Variants in LPO observed in about 807,000 individuals in gnomAD.
LPO encodes the protein salivary peroxidase.
In LPO, 70 loss-of-function variants were observed where a neutral mutation model predicts 68.4. The ratio of observed to expected loss-of-function variants is 1.02; its 90% CI spans 0.84 to 1.25. The LOEUF is 1.25. Among genes scored for constraint, LPO ranks in the 50% most tolerant of loss-of-function variants. LPO has a pLI of 0.00. For synonymous variants in LPO, 360 were observed against 357.6 expected (o/e 1.01, Z -0.08); for missense variants, 873 against 908.4 (o/e 0.96, Z 0.50).
rs1372488847 is a variant in LPO at position 58,254,988 on chromosome 17, G to A, written c.1266+17G>A. ...TTCGTGCAGGTAGGGAGTCCCAGGA[G>A]CACTGTCACCTGGTCCCACCTGGCT... On this transcript the variant is annotated intron_variant, in intron 9 of 12. Transcript: ENST00000262290. 14 of 1,612,000 alleles carry A rather than the reference G, an allele frequency of 8.7e-6. No individual in the cohort carries two copies. Among genetic ancestry groups the A allele is most frequent in the African/African-American group, 1.3e-5 (1 of 74,882 alleles).
At position 58,254,152 on chromosome 17, in the gene LPO, T is replaced by TATAGATATATATATAGATAGATAG. The variant is rs1555605278; in HGVS notation, c.1106-652_1106-651insTATATATAGATAGATAGATAGATA. On this transcript the variant is annotated intron_variant, in intron 8 of 12. Coordinates refer to ENST00000262290, the MANE Select transcript of LPO (RefSeq NM_006151.3). ...TGATAGATATATAGATATATAGATA[T>TATAGATATATATATAGATAGATAG]ATAGATAGATAGATAGATAGATAGA... Among the ~76,000 whole-genome samples, 432 of 133,378 alleles carry TATAGATATATATATAGATAGATAG rather than the reference T, an allele frequency of 3.2e-3. 4 individuals carry two copies. Among genetic ancestry groups the TATAGATATATATATAGATAGATAG allele is most frequent in the African/African-American group, 0.012 (414 of 33,740 alleles). 87.5% of individuals were successfully genotyped at this position (133,378 alleles called of 152,430 possible). A position where few individuals can be genotyped will look rare whatever the true frequency, so the allele number is the denominator to read the frequency against.
At position 58,249,070 on chromosome 17, in the gene LPO, G is replaced by T. The variant is rs552304548; in HGVS notation, c.336G>T (p.Leu112=). The change falls in exon 5 of 13, where the codon CTG becomes CTT. Residue 112 remains leucine (L), a synonymous_variant. Transcript: ENST00000262290. ...ASLTNVTDPS[L]DLTSLSLEVG... ...TCCCTTCTGTTTCAGATCCCAGCCT[G>T]GACTTGACTTCACTGTCTCTGGAGG... 1.2e-6 allele frequency: 2 copies of T among 1,614,040 alleles called. No individual in the cohort carries two copies. Among genetic ancestry groups the T allele is most frequent in the African/African-American group, 2.7e-5 (2 of 75,054 alleles).
intron 9 of LPO, among the ~76,000 whole-genome samples, chr17:58,262,507 A>G (rs1257651836): frequency 1.3e-5 from 2 of 152,224 alleles, no homozygotes; most frequent in African/African-American, 4.8e-5. Context: ...CTCTTGCCTC[A>G]GCCTCCCGAG....
chr17:58,263,364 G>A (rs1419027214), intron 9 of LPO, among the ~76,000 whole-genome samples: 1 of 152,114 alleles, frequency 6.6e-6, no homozygotes, highest in African/African-American at 2.4e-5. Context: ...GGCATTTCTG[G>A]CTCTTGGTAT....
At chr17:58,241,125 C>CTTTT (rs1161572564) in intron 1 of LPO, among the ~76,000 whole-genome samples, 26 of 91,276 alleles carry the variant, frequency 2.8e-4, no homozygotes, top group African/African-American at 6.1e-4. Flanking sequence ...TTTCTTTTTT[C>CTTTT]TTTTTTTTTT....
In LPO at chr17:58,250,473, A is replaced by C. The variant is rs750132851; in HGVS notation, c.632A>C (p.Gln211Pro). ...GYLNEEGVLD[Q>P]NRSLLFMQWG... Reference sequence around the variant, plus strand: ...CTGAATGAGGAGGGTGTTCTGGACCAAAACAGGTCCCTGCTCTTCATGCAG... The same window carrying C: ...CTGAATGAGGAGGGTGTTCTGGACCCAAACAGGTCCCTGCTCTTCATGCAG... Residue 211 changes from glutamine to proline, a missense_variant, in exon 7 of 13, where the codon CAA (glutamine) becomes CCA (proline). Coordinates refer to ENST00000262290, the MANE Select transcript of LPO (RefSeq NM_006151.3). The C allele has an allele frequency of 6.2e-7, 1 of 1,614,202 alleles. No individual in the cohort carries two copies. The highest frequency in any genetic ancestry group is 8.5e-7 in the Non-Finnish European group (1 of 1,180,032).
At chr17:58,254,176 G>GAT (rs1555605309) in intron 8 of LPO, among the ~76,000 whole-genome samples, 1 of 151,334 alleles carries the variant, frequency 6.6e-6, no homozygotes, top group Non-Finnish European at 1.5e-5. Flanking sequence ...TAGATAGATA[G>GAT]ATAGATAGAT....
chr17:58,247,573 A>G lies in LPO; in HGVS notation c.260A>G (p.Asn87Ser), dbSNP rs1389843893. The change falls in exon 4 of 13, where the codon AAT becomes AGT. Residue 87 changes from asparagine to serine, a missense_variant. Coordinates refer to ENST00000262290, the MANE Select transcript of LPO (RefSeq NM_006151.3). ...GGCCGGACGCGCACAGCCATCCGCA[A>G]TGGACAGGTGTGGGAGGAGTCTTTA... ...AKGRTRTAIRNGQVWEESLKR... is the reference protein window; with the variant it reads ...AKGRTRTAIRSGQVWEESLKR... 6.2e-7 allele frequency: 1 copy of G among 1,614,186 alleles called. No homozygotes were observed. Among genetic ancestry groups the G allele is most frequent in the East Asian group, 2.2e-5 (1 of 44,882 alleles).
In LPO at chr17:58,250,424, G is replaced by T. The variant is rs1309374752; in HGVS notation, c.583G>T (p.Val195Leu). The change falls in exon 7 of 13, where the codon GTA (valine) becomes TTA (leucine). Residue 195 changes from valine (V) to leucine (L), a missense_variant. Val to Leu is a conservative substitution (Grantham distance 32). Transcript: ENST00000262290. The stretch of plus-strand genomic sequence containing the variant: ...CTCTCTCCATCTGTAGGCCCGGGAG[G>T]TATCTAACAAGATTGTTGGCTATCT... ...NGFPLPLARE[V>L]SNKIVGYLNE... 2 of 1,613,988 alleles carry T rather than the reference G, an allele frequency of 1.2e-6. No homozygotes were observed. The highest frequency in any genetic ancestry group is 1.7e-6 in the Non-Finnish European group (2 of 1,180,014).
chr17:58,238,939 G>A (rs1426258142), intron 1 of LPO, among the ~76,000 whole-genome samples, 200 bp downstream of exon 1: 1 of 152,032 alleles, frequency 6.6e-6, no homozygotes, highest in Non-Finnish European at 1.5e-5. Context: ...CCACCACTGT[G>A]GGGGAAAAAG....
At chr17:58,249,220 C>A in intron 5 of LPO, 43 bp downstream of exon 5, 1 of 1,538,282 alleles carries the variant, frequency 6.5e-7, no homozygotes, top group Non-Finnish European at 8.9e-7. Flanking sequence ...TCCAGCCACT[C>A]CGCCCCGCCC....
In LPO at chr17:58,266,248, T is replaced by C. The variant is rs773607175; in HGVS notation, c.1615T>C (p.Phe539Leu). ...GACTGGAGAGCTGCGCAACAAGCTT[T>C]TCCAGCCAACTCACAGGATCCATGG... ...MMTGELRNKL[F>L]QPTHRIHGFD... Residue 539 changes from phenylalanine to leucine, a missense_variant, in exon 11 of 13, where the codon TTC becomes CTC. Coordinates refer to ENST00000262290, the MANE Select transcript of LPO (RefSeq NM_006151.3). 1 of 1,614,168 alleles carries C rather than the reference T, an allele frequency of 6.2e-7. No homozygotes were observed. The highest frequency in any genetic ancestry group is 1.7e-5 in the Admixed American group (1 of 60,026).
chr17:58,247,521 C>T lies in LPO; in HGVS notation c.208C>T (p.Leu70Phe), dbSNP rs1348096367. ...CTCTGAGACTCCCACCAGCCGACAG[C>T]TCTCAGAATACCTCAAGCATGCCAA... ...MSSETPTSRQLSEYLKHAKGR... is the reference protein window; with the variant it reads ...MSSETPTSRQFSEYLKHAKGR... Residue 70 changes from leucine (L) to phenylalanine (F), a missense_variant, in exon 4 of 13, where the codon CTC becomes TTC. Coordinates refer to ENST00000262290, the MANE Select transcript of LPO (RefSeq NM_006151.3). 3.7e-6 allele frequency: 6 copies of T among 1,613,990 alleles called. No homozygotes were observed. Among genetic ancestry groups the T allele is most frequent in the Non-Finnish European group, 4.2e-6 (5 of 1,180,040 alleles).
rs764179599 is a variant in LPO at position 58,247,555 on chromosome 17, C to G, written c.242C>G (p.Thr81Arg). 1 of 1,614,170 alleles carries G rather than the reference C, an allele frequency of 6.2e-7. No homozygotes were observed. Among genetic ancestry groups the G allele is most frequent in the Non-Finnish European group, 8.5e-7 (1 of 1,180,028 alleles). ...SEYLKHAKGR[T>R]RTAIRNGQVW... ...TACCTCAAGCATGCCAAAGGCCGGA[C>G]GCGCACAGCCATCCGCAATGGACAG... The change falls in exon 4 of 13, where the codon ACG becomes AGG. Residue 81 changes from threonine to arginine, a missense_variant. Physicochemically the swap from Thr to Arg is moderately conservative, Grantham distance 71. Transcript: ENST00000262290.
Position 58,266,169 on chromosome 17 carries a change from G to A in LPO, c.1536G>A (p.Leu512=). 1 of 1,614,036 alleles carries A rather than the reference G, an allele frequency of 6.2e-7. No individual in the cohort carries two copies. Among genetic ancestry groups the A allele is most frequent in the Non-Finnish European group, 8.5e-7 (1 of 1,179,984 alleles). ...CCTTGGCAGGTGGAATTGATCCTCT[G>A]GTGCGGGGCCTGCTGGCCAAGAAAT... ...RMVKDGGIDP[L]VRGLLAKKSK... is the part of the protein sequence containing the mutation. Residue 512 remains leucine, a synonymous_variant, in exon 11 of 13, where the codon CTG becomes CTA. Transcript: ENST00000262290.
At chr17:58,244,346 T>G in intron 3 of LPO, 1 of 469,662 alleles carries the variant, frequency 2.1e-6, no homozygotes, top group East Asian at 3.6e-5. Flanking sequence ...TTCTTCCACG[T>G]GGCCCAATGT....
rs1970126838 is a variant in LPO, at chr17:58,259,039, T to C, written c.1266+4068T>C. Among the ~76,000 whole-genome samples the C allele has an allele frequency of 1.3e-5, 2 of 149,346 alleles. 1 individual carries two copies. The stretch of plus-strand genomic sequence containing the variant: ...TATAATTTGGTGGGGGTTTTTTTTT[T>C]CATCCTCTTAAGAAGGTCTTTTGTA... On this transcript the variant is annotated intron_variant, in intron 9 of 12. Coordinates refer to ENST00000262290, the MANE Select transcript of LPO (RefSeq NM_006151.3).
At position 58,247,508 on chromosome 17, in the gene LPO, C is replaced by A. The variant is rs1301177860; in HGVS notation, c.195C>A (p.Pro65=). 6.2e-7 allele frequency: 1 copy of A among 1,614,052 alleles called. No individual in the cohort carries two copies. Among genetic ancestry groups the A allele is most frequent in the Non-Finnish European group, 8.5e-7 (1 of 1,179,990 alleles). The change falls in exon 4 of 13, where the codon CCC becomes CCA. Residue 65 remains proline (P), a synonymous_variant. Coordinates refer to ENST00000262290, the MANE Select transcript of LPO (RefSeq NM_006151.3). The part of the protein sequence containing the change: ...RLKTAMSSET[P]TSRQLSEYLK... Reference sequence around the variant, plus strand: ...AGACCGCCATGAGCTCTGAGACTCCCACCAGCCGACAGCTCTCAGAATACC... The same window carrying A: ...AGACCGCCATGAGCTCTGAGACTCCAACCAGCCGACAGCTCTCAGAATACC...
intron 1 of LPO, among the ~76,000 whole-genome samples, chr17:58,242,001 T>G (rs568383002): frequency 8.5e-5 from 13 of 152,308 alleles, no homozygotes; most frequent in Admixed American, 6.5e-4. Flanking sequence ...CTCTCCTTAG[T>G]GTGCTTCTGG....
Sources: gnomAD v4.1 joint callset for allele counts (sites outside exome capture counted in the v4.1 genomes callset) on GRCh38, gnomAD v4.1.1 for gene constraint, MANE v1.5 for transcripts, NCBI Gene and HGNC (gene_info 2026-07-23, HGNC 2026-07-21) for gene names.